SLC4A4: variants seen among roughly 807,000 people sequenced by gnomAD.
The protein encoded by SLC4A4 is electrogenic sodium bicarbonate cotransporter 1.
A neutral mutation model predicts 111.5 loss-of-function variants in SLC4A4; 27 were observed. That is an observed-to-expected ratio of 0.24 (90% confidence interval 0.18 to 0.33). The LOEUF (loss-of-function observed/expected upper bound fraction) is 0.33. Among genes scored for constraint, SLC4A4 ranks in the 10% least tolerant of loss-of-function variants. The pLI, the probability that SLC4A4 is intolerant of heterozygous loss-of-function variation, is 1.00. For missense variants in SLC4A4, 909 were observed against 1,315.5 expected (o/e 0.69, Z 4.78); for synonymous variants, 443 against 463.4 (o/e 0.96, Z 0.57).
intron 1 of SLC4A4, among the ~76,000 whole-genome samples, chr4:71,208,430 CAA>C (rs34995813): frequency 8.2e-5 from 9 of 110,268 alleles, no homozygotes; most frequent in African/African-American, 9.2e-5. Context: ...GACTCCGTCT[CAA>C]AAAAAAAAAA....
intron 1 of SLC4A4, chr4:71,236,342 G>C: frequency 1.1e-6 from 1 of 927,162 alleles, no homozygotes; most frequent in Non-Finnish European, 1.5e-6. Context: ...TCTCTTACCT[G>C]TCTATGTGGG....
At chr4:71,475,621 T>A (rs1336951122) in intron 14 of SLC4A4, among the ~76,000 whole-genome samples, 1 of 151,898 alleles carries the variant, frequency 6.6e-6, no homozygotes, top group African/African-American at 2.4e-5. Context: ...CACAGGACTT[T>A]GAAGTCAGAA....
chr4:71,559,575 G>T (rs1736773356), intron 22 of SLC4A4, among the ~76,000 whole-genome samples: 1 of 151,804 alleles, frequency 6.6e-6, no homozygotes. Flanking sequence ...TCAGTTAACG[G>T]TGGTGATTGA....
chr4:71,339,645 T>G, intron 4 of SLC4A4, 140 bp downstream of exon 4: 1 of 752,342 alleles, frequency 1.3e-6, no homozygotes, highest in South Asian at 1.6e-5. Flanking sequence ...AAGGAGTAAA[T>G]AATTCTATTT....
intron 1 of SLC4A4, among the ~76,000 whole-genome samples, chr4:71,220,005 A>C (rs1049822306): frequency 2.0e-5 from 3 of 152,232 alleles, no homozygotes; most frequent in African/African-American, 7.2e-5. Context: ...TGACATGACA[A>C]CAAAGGATTG....
At chr4:71,270,828 T>C (rs951139779) in intron 3 of SLC4A4, among the ~76,000 whole-genome samples, 1 of 152,202 alleles carries the variant, frequency 6.6e-6, no homozygotes, top group Non-Finnish European at 1.5e-5. Context: ...GTGGAGCTCA[T>C]AGGCTCATTG....
At chr4:71,411,585 G>T (rs12507168) in intron 7 of SLC4A4, among the ~76,000 whole-genome samples, 1,863 of 152,226 alleles carry the variant, frequency 0.012, 17 homozygotes, top group Middle Eastern at 0.034. Context: ...CCAGTAACTT[G>T]CTTTTGTATG....
At chr4:71,473,863 C>G (rs1485262449) in intron 14 of SLC4A4, among the ~76,000 whole-genome samples, 1 of 151,694 alleles carries the variant, frequency 6.6e-6, no homozygotes, top group African/African-American at 2.4e-5. Context: ...GGAATAGGGA[C>G]TGGGTGTGGT....
chr4:71,268,456 A>T (rs1036955332), intron 3 of SLC4A4, among the ~76,000 whole-genome samples: 1 of 152,182 alleles, frequency 6.6e-6, no homozygotes, highest in Non-Finnish European at 1.5e-5. Context: ...TCACCAGAGC[A>T]TGGAAGTGTT....
chr4:71,411,784 G>A (rs1721384523), intron 7 of SLC4A4, among the ~76,000 whole-genome samples: 1 of 152,196 alleles, frequency 6.6e-6, no homozygotes, highest in Non-Finnish European at 1.5e-5. Context: ...GTATTTATAT[G>A]CTACGTTTTA....
intron 7 of SLC4A4, among the ~76,000 whole-genome samples, chr4:71,434,770 C>A (rs1354610152): frequency 6.6e-6 from 1 of 152,038 alleles, no homozygotes; most frequent in Non-Finnish European, 1.5e-5. Flanking sequence ...TTCCTATACA[C>A]CAATAATAGA....
At chr4:71,264,567 A>G (rs983871838) in intron 3 of SLC4A4, among the ~76,000 whole-genome samples, 1 of 152,152 alleles carries the variant, frequency 6.6e-6, no homozygotes, top group African/African-American at 2.4e-5. Context: ...CTCAGAAAAT[A>G]GGGCAATTTC....
At chr4:71,322,117 C>T (rs948026160) in intron 3 of SLC4A4, among the ~76,000 whole-genome samples, 10 of 151,898 alleles carry the variant, frequency 6.6e-5, no homozygotes, top group Admixed American at 2.0e-4. Context: ...ATCTTTAGAG[C>T]GTTAATACAT....
Position 71,521,530 on chromosome 4 carries a change from G to A in SLC4A4, c.2167-10532G>A, listed in dbSNP as rs372783556. 1.0e-3 allele frequency among the ~76,000 whole-genome samples: 158 copies of A among 152,188 alleles called. 4 individuals carry two copies. The South Asian group carries it at 0.031, about 30-fold the overall frequency. Reference sequence around the variant, plus strand: ...ATTACAGATCTTAGCCACCACACATGGTCTGATCAAAATTTTAAGTCATAT... The same window carrying A: ...ATTACAGATCTTAGCCACCACACATAGTCTGATCAAAATTTTAAGTCATAT... On this transcript the variant is annotated intron_variant, in intron 16 of 25. Coordinates refer to ENST00000264485, the MANE Select transcript of SLC4A4 (RefSeq NM_001098484.3).
intron 7 of SLC4A4, among the ~76,000 whole-genome samples, chr4:71,407,386 A>G (rs1720960477): frequency 6.6e-6 from 1 of 152,194 alleles, no homozygotes. Flanking sequence ...AAAAAGTATA[A>G]TCTATGATCT....
In SLC4A4 at chr4:71,083,042, G is replaced by A. The variant is rs186371146; in HGVS notation, c.-64-9688G>A. 6.5e-4 allele frequency among the ~76,000 whole-genome samples: 98 copies of A among 151,694 alleles called. 2 individuals carry two copies. Among genetic ancestry groups the A allele is most frequent in the African/African-American group, 2.2e-3 (92 of 41,290 alleles). On this transcript the variant is annotated intron_variant, in intron 1 of 26. Coordinates refer to the SLC4A4 transcript ENST00000649996. ...ATAATTTTTGTATTTTAGTAGAGAC[G>A]GGGCTTCACCATGTTGGCCAGGTTG... is the stretch of plus-strand genomic sequence containing the variant.
intron 2 of SLC4A4, among the ~76,000 whole-genome samples, chr4:71,104,000 A>T (rs1742839224): frequency 9.9e-6 from 1 of 101,512 alleles, no homozygotes; most frequent in African/African-American, 3.9e-5. Flanking sequence ...TTTTGAAAGG[A>T]TCAACAAAAT....
At chr4:71,169,246 C>A (rs558085967) in intron 2 of SLC4A4, among the ~76,000 whole-genome samples, 125 of 151,854 alleles carry the variant, frequency 8.2e-4, no homozygotes, top group African/African-American at 3.0e-3. Flanking sequence ...GAACTCCTGA[C>A]CTCAGGTGAT....
intron 1 of SLC4A4, among the ~76,000 whole-genome samples, chr4:71,065,169 A>G (rs1041630682): frequency 1.2e-4 from 18 of 152,224 alleles, no homozygotes; most frequent in African/African-American, 2.7e-4. Context: ...AGTGGCATTT[A>G]TAAGATTTTT....
Sources: allele counts gnomAD v4.1 joint callset (sites outside exome capture counted in the v4.1 genomes callset), GRCh38; gene constraint gnomAD v4.1.1; transcripts MANE v1.5; gene names NCBI Gene and HGNC (gene_info 2026-07-23, HGNC 2026-07-21).